TENM1: variants seen among roughly 807,000 people sequenced by gnomAD.
TENM1 encodes teneurin-1.
In TENM1, 35 loss-of-function variants were observed where a neutral mutation model predicts 174.8. The observed-to-expected ratio is 0.20, with a 90% CI of 0.15 to 0.27. TENM1 has a LOEUF of 0.27. Ranked by LOEUF, TENM1 falls within the 10% of genes least tolerant of loss-of-function variation. TENM1 has a pLI of 1.00. For missense variants in TENM1, 1,633 were observed against 2,130.1 expected (o/e 0.77, Z 4.59); for synonymous variants, 781 against 798.7 (o/e 0.98, Z 0.37).
intron 18 of TENM1, among the ~76,000 whole-genome samples, chrX:124,508,495 C>T (rs928633885): frequency 2.1e-4 from 24 of 112,252 alleles, no homozygotes; most frequent in African/African-American, 7.1e-4. Context: ...TTCAGTGAAT[C>T]ACTGGATTTG....
At chrX:124,531,379 T>C (rs1229968320) in intron 15 of TENM1, among the ~76,000 whole-genome samples, 1 of 110,860 alleles carries the variant, frequency 9.0e-6, no homozygotes, top group Non-Finnish European at 1.9e-5. Context: ...TGGTAGCTTA[T>C]AATAAGCCAG....
chrX:124,840,202 T>C (rs757783818), intron 3 of TENM1, among the ~76,000 whole-genome samples: 7 of 111,777 alleles, frequency 6.3e-5, no homozygotes, highest in Admixed American at 1.9e-4. Context: ...AATGATGTCA[T>C]TGGAACTTAT....
chrX:125,036,039 G>A, the TENM1 span, among the ~76,000 whole-genome samples: 3 of 111,463 alleles, frequency 2.7e-5, no homozygotes, highest in Non-Finnish European at 5.7e-5. Context: ...AAATTCCACA[G>A]AAGCAATTAA....
intron 3 of TENM1, among the ~76,000 whole-genome samples, chrX:124,814,076 A>G (rs2055843322): frequency 9.0e-6 from 1 of 111,679 alleles, no homozygotes; most frequent in South Asian, 3.7e-4. Context: ...AGAGGGAGAC[A>G]GCATAGTTTA....
At chrX:124,895,770 C>T (rs995273512) in intron 2 of TENM1, among the ~76,000 whole-genome samples, 19 of 111,781 alleles carry the variant, frequency 1.7e-4, no homozygotes, top group African/African-American at 5.5e-4. Context: ...GGGGGCTCAC[C>T]GAAAATGAAA....
At chrX:124,654,559 G>A (rs888812974) in intron 6 of TENM1, among the ~76,000 whole-genome samples, 3 of 111,698 alleles carry the variant, frequency 2.7e-5, no homozygotes, top group East Asian at 2.8e-4. Flanking sequence ...GAAGAGTGGC[G>A]CACATGGAAA....
intron 11 of TENM1, among the ~76,000 whole-genome samples, chrX:124,631,124 A>G (rs1250088593): frequency 2.7e-5 from 3 of 111,942 alleles, no homozygotes; most frequent in Non-Finnish European, 5.6e-5. Flanking sequence ...GTAACAAACC[A>G]TAGACCCACA....
chrX:124,888,436 A>C (rs139280837), intron 3 of TENM1, among the ~76,000 whole-genome samples: 1 of 111,878 alleles, frequency 8.9e-6, no homozygotes, highest in African/African-American at 3.2e-5. Flanking sequence ...ACAACAGCAC[A>C]AGTTAACCTG....
chrX:124,544,139 G>C (rs988532208), intron 15 of TENM1, among the ~76,000 whole-genome samples: 2 of 112,680 alleles, frequency 1.8e-5, no homozygotes, highest in Non-Finnish European at 3.7e-5. Flanking sequence ...AAAGCAAAGT[G>C]GTTTGTTCAC....
chrX:124,453,582 G>C (rs1204226484), intron 22 of TENM1, 91 bp from the exon 26 acceptor site: 1 of 897,345 alleles, frequency 1.1e-6, no homozygotes, highest in African/African-American at 2.0e-5. Flanking sequence ...GCAATGGAAA[G>C]GCATTTTAAA....
chrX:124,615,882 T>C (rs951721184), intron 11 of TENM1, among the ~76,000 whole-genome samples: 1 of 112,387 alleles, frequency 8.9e-6, no homozygotes, highest in African/African-American at 3.2e-5. Flanking sequence ...TTATTATGTT[T>C]CTTTAGGGAT....
intron 25 of TENM1, among the ~76,000 whole-genome samples, chrX:124,419,344 C>A (rs1434878890): frequency 8.9e-6 from 1 of 111,897 alleles, no homozygotes; most frequent in Admixed American, 9.5e-5. Context: ...ACCCCTTATA[C>A]TTTAACATCT....
chrX:124,892,074 A>C (rs146305839), intron 3 of TENM1, among the ~76,000 whole-genome samples: 57 of 111,781 alleles, frequency 5.1e-4, no homozygotes, highest in African/African-American at 1.9e-3. Flanking sequence ...AATGGGAATA[A>C]AAATGACATA....
At chrX:125,106,326 T>C in the TENM1 span, among the ~76,000 whole-genome samples, 5 of 112,395 alleles carry the variant, frequency 4.4e-5, no homozygotes, top group Non-Finnish European at 9.4e-5. Flanking sequence ...CTTGCCAGTT[T>C]TGCAGACTAC....
intron 6 of TENM1, among the ~76,000 whole-genome samples, chrX:124,660,354 G>A (rs1404403314): frequency 1.9e-5 from 2 of 104,497 alleles, no homozygotes; most frequent in Non-Finnish European, 3.9e-5. Context: ...AAGCCTGGGC[G>A]ACTGAGCTAG....
At chrX:124,965,140 C>T (rs1054483228), upstream of TENM1, among the ~76,000 whole-genome samples, 6 of 111,683 alleles carry the variant, frequency 5.4e-5, no homozygotes, top group Non-Finnish European at 7.5e-5. Context: ...TTCAGTGGTG[C>T]GATCTCGGCT....
At chrX:125,196,136 G>A in the TENM1 span, among the ~76,000 whole-genome samples, 945 of 110,711 alleles carry the variant, frequency 8.5e-3, 11 homozygotes, top group Middle Eastern at 0.066. Context: ...CCAATCAACT[G>A]TACTGTTCTT....
chrX:124,923,093 A>G (rs1370720704), intron 1 of TENM1, among the ~76,000 whole-genome samples: 1 of 111,880 alleles, frequency 8.9e-6, no homozygotes, highest in Non-Finnish European at 1.9e-5. Context: ...CCTTGGTATT[A>G]TTTTTTGCCT....
the TENM1 span, among the ~76,000 whole-genome samples, chrX:125,139,454 G>A: frequency 9.0e-6 from 1 of 111,377 alleles, no homozygotes; most frequent in Non-Finnish European, 1.9e-5. Context: ...GAAGGCAAGG[G>A]GTGGTGTCTA....
Sources: allele counts gnomAD v4.1 joint callset (sites outside exome capture counted in the v4.1 genomes callset), GRCh38; gene constraint gnomAD v4.1.1; transcripts MANE v1.5; gene names NCBI Gene and HGNC (gene_info 2026-07-23, HGNC 2026-07-21).